Variants in KIF9 observed in about 807,000 individuals in gnomAD.
KIF9 encodes kinesin family member 9, also known as kinesin-like protein KIF9.
KIF9 carries 68 observed loss-of-function variants against 94.8 expected under a neutral mutation model. The observed-to-expected ratio is 0.72, with a 90% CI of 0.59 to 0.88. KIF9 has a LOEUF of 0.88. Among genes scored for constraint, KIF9 ranks in the 40% least tolerant of loss-of-function variants. The pLI, the probability that KIF9 is intolerant of heterozygous loss-of-function variation, is 0.00. For missense variants in KIF9, 882 were observed against 982.5 expected (o/e 0.90, Z 1.37); for synonymous variants, 343 against 362.1 (o/e 0.95, Z 0.60).
intron 9 of KIF9, among the ~76,000 whole-genome samples, chr3:47,261,023 C>T (rs962732439): frequency 2.0e-5 from 3 of 152,136 alleles, no homozygotes; most frequent in Non-Finnish European, 4.4e-5. Flanking sequence ...CCTGGGGAAT[C>T]AGTTTCTCAG....
At chr3:47,269,768 ATTTTTTTTTTTT>A (rs36108313) in intron 5 of KIF9, among the ~76,000 whole-genome samples, 1 of 86,466 alleles carries the variant, frequency 1.2e-5, no homozygotes, top group Non-Finnish European at 2.0e-5. Context: ...CTCCCAGCTA[ATTTTTTTTTTTT>A]TTTTTTTTTT....
At chr3:47,267,102 C>T (rs1467244001) in intron 6 of KIF9, 34 bp from the exon 7 acceptor site, 1 of 1,608,184 alleles carries the variant, frequency 6.2e-7, no homozygotes, top group African/African-American at 1.3e-5. Flanking sequence ...TAGACTGTCA[C>T]AGGGAGAAGT....
intron 17 of KIF9, among the ~76,000 whole-genome samples, chr3:47,238,243 G>T (rs1422644809): frequency 6.6e-6 from 1 of 152,020 alleles, no homozygotes; most frequent in Non-Finnish European, 1.5e-5. Flanking sequence ...GATTTGACAG[G>T]GCCTCACTAT....
chr3:47,259,665 C>T (rs1198909314), intron 9 of KIF9, among the ~76,000 whole-genome samples: 2 of 148,846 alleles, frequency 1.3e-5, no homozygotes. Flanking sequence ...ATAACCTTAC[C>T]CCCAACCCCG....
At chr3:47,246,299 G>T in intron 12 of KIF9, 47 bp from the exon 13 acceptor site, 1 of 1,500,624 alleles carries the variant, frequency 6.7e-7, no homozygotes, top group Non-Finnish European at 9.2e-7. Context: ...GGCACCTCGA[G>T]GGACCAGGGG....
At chr3:47,244,653 A>G (rs1699804801) in intron 15 of KIF9, 138 bp downstream of exon 15, 1 of 1,068,076 alleles carries the variant, frequency 9.4e-7, no homozygotes, top group Admixed American at 2.1e-5. Flanking sequence ...CAGACTTGCT[A>G]GTATTGGCAG....
chr3:47,253,991 C>T (rs1700422506), intron 10 of KIF9, among the ~76,000 whole-genome samples: 1 of 152,246 alleles, frequency 6.6e-6, no homozygotes, highest in South Asian at 2.1e-4. Flanking sequence ...AGAAGCAATA[C>T]TGCTGCTCTG....
chr3:47,244,567 T>C (rs1438038764), intron 15 of KIF9: 2 of 574,350 alleles, frequency 3.5e-6, no homozygotes, highest in Non-Finnish European at 6.2e-6. Context: ...AGACATTAAC[T>C]CCCACCTCAC....
At chr3:47,242,319 G>T (rs1036699490) in intron 16 of KIF9, among the ~76,000 whole-genome samples, 4 of 152,196 alleles carry the variant, frequency 2.6e-5, no homozygotes, top group African/African-American at 9.7e-5. Context: ...GTTGGGGTAA[G>T]GGGAATTGGA....
rs867424345 is a variant in KIF9 at position 47,261,621 on chromosome 3, G to A, written c.981+2665C>T. Among the ~76,000 whole-genome samples, 6 of 152,316 alleles carry A rather than the reference G, an allele frequency of 3.9e-5. 1 individual carries two copies. In the Middle Eastern group the frequency reaches 0.01, roughly 259 times the overall value. On this transcript the variant is annotated intron_variant, in intron 9 of 20. Transcript: ENST00000684063. ...AAGTGGGCCAGAGGAAAGACTGAAA[G>A]GGCTCTTCCTTGGGCAGTCTACTCT...
At position 47,248,135 on chromosome 3, in the gene KIF9, G is replaced by A. The variant is rs201538796; in HGVS notation, c.1060-49C>T. 5.4e-5 allele frequency: 74 copies of A among 1,367,442 alleles called. No individual in the cohort carries two copies. In the African/African-American group the frequency reaches 8.4e-4, roughly 16 times the overall value. 84.7% of individuals were successfully genotyped at this position (1,367,442 alleles called of 1,614,324 possible). On this transcript the variant is annotated intron_variant, in intron 10 of 20. Transcript: ENST00000684063. ...GGGGCCGACAGGAAGGATCATCAGA[G>A]AAGCTACCCTGTCTCTTCCACAGCA... is the stretch of plus-strand genomic sequence containing the variant.
chr3:47,236,561 G>T lies in KIF9; in HGVS notation c.1983C>A (p.Leu661=), dbSNP rs1459485903. Residue 661 remains leucine, a synonymous_variant, in exon 18 of 21, where the codon CTC becomes CTA. Transcript: ENST00000684063. ...ACTGCTTCTTGAGGTCTTTGAGCTT[G>T]AGGATCAGCAGGAATTCTTCCTCAT... is the stretch of plus-strand genomic sequence containing the variant. The part of the protein sequence containing the change: ...IIDEEEFLLI[L]KLKDLKKQYR... 1 of 1,614,094 alleles carries T rather than the reference G, an allele frequency of 6.2e-7. No individual in the cohort carries two copies. Among genetic ancestry groups the T allele is most frequent in the Non-Finnish European group, 8.5e-7 (1 of 1,180,022 alleles).
intron 10 of KIF9, among the ~76,000 whole-genome samples, chr3:47,249,067 T>C (rs1252539813): frequency 6.6e-6 from 1 of 151,644 alleles, no homozygotes; most frequent in Non-Finnish European, 1.5e-5. Flanking sequence ...GGTTATAACC[T>C]CATCCTTTCA....
At chr3:47,253,461 T>A (rs1576004564) in intron 10 of KIF9, among the ~76,000 whole-genome samples, 1 of 64,166 alleles carries the variant, frequency 1.6e-5, no homozygotes, top group Admixed American at 1.5e-4. Context: ...GGCCCAGTGA[T>A]TTTTTTTTTT....
At chr3:47,255,285 G>A (rs1700500162) in intron 10 of KIF9, among the ~76,000 whole-genome samples, 1 of 152,190 alleles carries the variant, frequency 6.6e-6, no homozygotes, top group Admixed American at 6.5e-5. Context: ...ATCATTTTGT[G>A]TTGTCAAAAA....
chr3:47,242,651 T>C (rs1699652166), intron 16 of KIF9, among the ~76,000 whole-genome samples: 1 of 152,234 alleles, frequency 6.6e-6, no homozygotes, highest in Non-Finnish European at 1.5e-5. Context: ...ATAAATCTTG[T>C]TTCACATCTA....
At chr3:47,255,727 CTCTCCCTCTCCCTCTCCCCACGG>C (rs1449952284) in intron 10 of KIF9, among the ~76,000 whole-genome samples, 1 of 150,726 alleles carries the variant, frequency 6.6e-6, no homozygotes, top group African/African-American at 2.4e-5. Context: ...TTCGCTCTCC[CTCTCCCTCTCCCTCTCCCCACGG>C]TCTCCCTCTC....
At chr3:47,271,609 G>A (rs1368362856) in intron 4 of KIF9, 148 bp from the exon 5 acceptor site, 1 of 646,794 alleles carries the variant, frequency 1.5e-6, no homozygotes, top group African/African-American at 1.8e-5. Flanking sequence ...GTATCATCTT[G>A]TAGTGTTTTG....
At chr3:47,234,312 G>T (rs954514377) in intron 20 of KIF9, among the ~76,000 whole-genome samples, 2 of 151,754 alleles carry the variant, frequency 1.3e-5, no homozygotes, top group Non-Finnish European at 2.9e-5. Flanking sequence ...CAGCTCACTG[G>T]GACCTCCGCC....
Sources: allele counts gnomAD v4.1 joint callset (sites outside exome capture counted in the v4.1 genomes callset), GRCh38; gene constraint gnomAD v4.1.1; transcripts MANE v1.5; gene names NCBI Gene and HGNC (gene_info 2026-07-23, HGNC 2026-07-21).